FERMT1: variants seen among roughly 807,000 people sequenced by gnomAD.
FERMT1 encodes FERM domain containing kindlin 1, also known as fermitin family homolog 1.
A neutral mutation model predicts 85.3 loss-of-function variants in FERMT1; 60 were observed. That is an observed-to-expected ratio of 0.70 (90% CI 0.57 to 0.87). The LOEUF (loss-of-function observed/expected upper bound fraction) is 0.87, where lower values mean the gene tolerates loss of function less well. Ranked by LOEUF, FERMT1 falls within the 40% of genes least tolerant of loss-of-function variation. FERMT1 has a pLI of 0.00. For synonymous variants in FERMT1, 275 were observed against 301.1 expected (o/e 0.91, Z 0.90); for missense variants, 701 against 818.9 (o/e 0.86, Z 1.76).
At chr20:6,109,831 G>T (rs1306566361) in intron 5 of FERMT1, among the ~76,000 whole-genome samples, 2 of 151,696 alleles carry the variant, frequency 1.3e-5, no homozygotes, top group East Asian at 1.9e-4. Flanking sequence ...AACCCAGGGG[G>T]GCAGAGATTG....
intron 11 of FERMT1, among the ~76,000 whole-genome samples, chr20:6,087,158 C>T (rs1239760743): frequency 6.6e-6 from 1 of 152,108 alleles, no homozygotes; most frequent in Non-Finnish European, 1.5e-5. Flanking sequence ...CTTCCCTAGG[C>T]AGCCTGGGAC....
chr20:6,083,708 A>C (rs1241585956), intron 13 of FERMT1, among the ~76,000 whole-genome samples: 38 of 133,702 alleles, frequency 2.8e-4, no homozygotes, highest in African/African-American at 1.0e-3. Flanking sequence ...AAAAAAAACA[A>C]AAAAAAAAAA....
intron 6 of FERMT1, among the ~76,000 whole-genome samples, chr20:6,100,674 T>A (rs1982638205): frequency 6.6e-6 from 1 of 152,162 alleles, no homozygotes. Context: ...GATGGACACA[T>A]GAGGGAATAC....
intron 13 of FERMT1, among the ~76,000 whole-genome samples, chr20:6,081,407 G>A (rs1568652941): frequency 6.6e-6 from 1 of 152,158 alleles, no homozygotes; most frequent in Non-Finnish European, 1.5e-5. Context: ...AGCTGTGTTG[G>A]AAGGCAAGTG....
At chr20:6,088,390 C>A (rs1982245026) in intron 10 of FERMT1, among the ~76,000 whole-genome samples, 1 of 152,174 alleles carries the variant, frequency 6.6e-6, no homozygotes, top group African/African-American at 2.4e-5. Context: ...ACCTCATGTG[C>A]TATACTCTTG....
Position 6,106,254 on chromosome 20 carries a change from G to A in FERMT1, c.849+1278C>T, listed in dbSNP as rs187535128. On this transcript the variant is annotated intron_variant, in intron 6 of 14. Transcript: ENST00000217289. ...GTCCACAGGATAAAAATCAAGGACT[G>A]AGCAGGAACCTCTCCTTAGAAATGA... Among the ~76,000 whole-genome samples, 102 of 152,254 alleles carry A rather than the reference G, an allele frequency of 6.7e-4. 1 individual carries two copies. The highest frequency in any genetic ancestry group is 1.6e-4 in the Non-Finnish European group (11 of 68,016).
intron 4 of FERMT1, among the ~76,000 whole-genome samples, chr20:6,111,002 T>G (rs1483591554): frequency 6.6e-6 from 1 of 152,204 alleles, no homozygotes; most frequent in South Asian, 2.1e-4. Context: ...TGTGGTGTGA[T>G]CCTGGCTCAC....
In FERMT1 at chr20:6,103,149, T is replaced by C. The variant is rs185244002; in HGVS notation, c.849+4383A>G. 2.1e-3 allele frequency among the ~76,000 whole-genome samples: 321 copies of C among 152,306 alleles called. 1 individual carries two copies. Among genetic ancestry groups the C allele is most frequent in the African/African-American group, 7.5e-3 (311 of 41,562 alleles). ...TTGAAAGGGACAAAAGAGTGTTCAA[T>C]AAAAAGTTAGTCCCCCTCTCTACCT... On this transcript the variant is annotated intron_variant, in intron 6 of 14. Transcript: ENST00000217289.
In FERMT1 at chr20:6,104,948, C is replaced by T. The variant is rs11697570; in HGVS notation, c.849+2584G>A. ...TAGCTCAAGCTTAGTTCTGAAGCAG[C>T]GGATTGAATCGGGGGAGTCTCTTGG... On this transcript the variant is annotated intron_variant, in intron 6 of 14. Transcript: ENST00000217289. The surrounding 1 kb of genome is among the most constrained non-coding windows in gnomAD (Gnocchi z 4.2). Among the ~76,000 whole-genome samples, 3 of 152,134 alleles carry T rather than the reference C, an allele frequency of 2.0e-5. No homozygotes were observed. The highest frequency in any genetic ancestry group is 2.1e-4 in the South Asian group (1 of 4,824).
intron 13 of FERMT1, among the ~76,000 whole-genome samples, chr20:6,083,073 C>T (rs945868856): frequency 2.6e-5 from 4 of 152,094 alleles, no homozygotes; most frequent in Non-Finnish European, 5.9e-5. Flanking sequence ...TATCCCACCC[C>T]GAAATTATAA....
In FERMT1 at chr20:6,084,152, T is replaced by C. The variant is rs1439419659; in HGVS notation, c.1606A>G (p.Ile536Val). ...RHKSKQLAAR[I>V]LEAHQNVAQM... is the part of the protein sequence containing the mutation. ...GCCACGTTCTGGTGCGCCTCCAGGA[T>C]CCGGGCGGCCAGCTGAACAGAAACA... Residue 536 changes from isoleucine (I) to valine (V), a missense_variant, in exon 13 of 15, where the codon ATC becomes GTC. Ile to Val is a conservative substitution (Grantham distance 29, BLOSUM62 3). Transcript: ENST00000217289. 5.6e-6 allele frequency: 9 copies of C among 1,612,268 alleles called. No individual in the cohort carries two copies. The African/African-American group carries it at 1.2e-4, about 22-fold the overall frequency.
chr20:6,088,867 G>T lies in FERMT1; in HGVS notation c.1264+98C>A, dbSNP rs186084527. ...TCGAACTCCTGACCTCAGGTGATCC[G>T]CCCGCCTCAGCCTCCCAAAGTGCTG... On this transcript the variant is annotated intron_variant, in intron 10 of 14. Coordinates refer to ENST00000217289, the MANE Select transcript of FERMT1 (RefSeq NM_017671.5). The T allele has an allele frequency of 3.8e-4, 456 of 1,209,498 alleles. 1 individual carries two copies. In the African/African-American group the frequency reaches 6.2e-3, roughly 16 times the overall value. 74.9% of individuals were successfully genotyped at this position (1,209,498 alleles called of 1,614,324 possible).
At chr20:6,122,650 A>T (rs1983310561) in intron 1 of FERMT1, 124 bp downstream of exon 1, 1 of 152,236 alleles carries the variant, frequency 6.6e-6, no homozygotes, top group Admixed American at 6.5e-5. Flanking sequence ...AATTATTTTC[A>T]ATCAACAGCT....
Position 6,082,890 on chromosome 20 carries a change from G to A in FERMT1, c.1718+1150C>T, listed in dbSNP as rs529788523. ...GCCCAGAGTGGTCTTGAACTCTTGAGCTCAGGCAATCCGTCCACTTTGGCC... is the reference window on the plus strand; with the variant it reads ...GCCCAGAGTGGTCTTGAACTCTTGAACTCAGGCAATCCGTCCACTTTGGCC... On this transcript the variant is annotated intron_variant, in intron 13 of 14. Transcript: ENST00000217289. 2.0e-5 allele frequency among the ~76,000 whole-genome samples: 3 copies of A among 152,144 alleles called. No homozygotes were observed. The East Asian group carries it at 5.8e-4, about 29-fold the overall frequency.
intron 2 of FERMT1, among the ~76,000 whole-genome samples, chr20:6,117,115 C>A (rs1023640495): frequency 6.6e-6 from 1 of 152,212 alleles, no homozygotes; most frequent in East Asian, 1.9e-4. Context: ...CAATGTCAAT[C>A]TTTCCCCTCC....
At chr20:6,101,771 G>C (rs1458828149) in intron 6 of FERMT1, among the ~76,000 whole-genome samples, 1 of 152,096 alleles carries the variant, frequency 6.6e-6, no homozygotes, top group East Asian at 1.9e-4. Flanking sequence ...TCCTGCCTCA[G>C]CTTCCCGAGT....
At chr20:6,096,556 TAGAC>T (rs1241379748) in intron 8 of FERMT1, among the ~76,000 whole-genome samples, 3 of 152,158 alleles carry the variant, frequency 2.0e-5, no homozygotes, top group African/African-American at 4.8e-5. Context: ...CTCCATGTAA[TAGAC>T]AGGGTGGTAT....
intron 11 of FERMT1, among the ~76,000 whole-genome samples, chr20:6,086,264 C>T (rs988004639): frequency 2.0e-5 from 3 of 152,144 alleles, no homozygotes; most frequent in Admixed American, 6.5e-5. Flanking sequence ...CTGGTCTCTA[C>T]GCCCAAAAGA....
intron 2 of FERMT1, among the ~76,000 whole-genome samples, chr20:6,117,056 C>A (rs996741260): frequency 6.6e-6 from 1 of 152,164 alleles, no homozygotes; most frequent in Admixed American, 6.5e-5. Flanking sequence ...TCCAAAGTGT[C>A]CAAATTGAAG....
Sources: gnomAD v4.1 joint callset for allele counts (sites outside exome capture counted in the v4.1 genomes callset) on GRCh38, gnomAD v4.1.1 for gene constraint, Gnocchi (gnomAD v3.1) non-coding constraint, MANE v1.5 for transcripts, NCBI Gene and HGNC (gene_info 2026-07-23, HGNC 2026-07-21) for gene names.